Variants in SYNE1 observed in about 807,000 individuals in gnomAD.
The protein encoded by SYNE1 is spectrin repeat containing nuclear envelope protein 1.
A neutral mutation model predicts 1,111.0 loss-of-function variants in SYNE1; 616 were observed. The ratio of observed to expected loss-of-function variants is 0.55; its 90% CI spans 0.52 to 0.59. The LOEUF is 0.59. SYNE1 is among the 20% of genes least tolerant of loss of function. The probability of loss-of-function intolerance (pLI) is 0.00; values close to 1 mark genes in which losing one functional copy is unlikely to be tolerated. For synonymous variants in SYNE1, 3,855 were observed against 3,825.8 expected, an observed-to-expected ratio of 1.01 and a Z score of -0.28; for missense variants, 10,006 against 10,417.0, an observed-to-expected ratio of 0.96 and a Z score of 1.72.
chr6:152,510,014 T>G (rs2099076957), intron 8 of SYNE1, among the ~76,000 whole-genome samples, 179 bp downstream of exon 8: 1 of 152,232 alleles, frequency 6.6e-6, no homozygotes, highest in Admixed American at 6.5e-5. Context: ...AGCATTTTCC[T>G]AGAGTATTAG....
intron 3 of SYNE1, among the ~76,000 whole-genome samples, chr6:152,575,038 C>A (rs2099490836): frequency 6.6e-6 from 1 of 152,100 alleles, no homozygotes. Flanking sequence ...ATGAATGTAC[C>A]AAACATGAAA....
intron 14 of SYNE1, among the ~76,000 whole-genome samples, chr6:152,480,171 A>G (rs973931846): frequency 4.6e-5 from 7 of 152,216 alleles, no homozygotes; most frequent in East Asian, 1.9e-4. Flanking sequence ...TGTTACATCA[A>G]ATCGAGAGAC....
chr6:152,291,046 A>G (rs937402614), intron 95 of SYNE1, among the ~76,000 whole-genome samples: 17 of 148,604 alleles, frequency 1.1e-4, no homozygotes, highest in Middle Eastern at 3.6e-3. Context: ...TAGAACATTA[A>G]TATGTTCTAA....
chr6:152,497,172 C>T (rs771054080), intron 11 of SYNE1, among the ~76,000 whole-genome samples: 31 of 152,102 alleles, frequency 2.0e-4, no homozygotes, highest in Non-Finnish European at 4.0e-4. Context: ...GTTTGACACT[C>T]CTTATGTATC....
chr6:152,607,516 C>T (rs777219720), intron 3 of SYNE1, among the ~76,000 whole-genome samples: 44 of 151,942 alleles, frequency 2.9e-4, no homozygotes, highest in Admixed American at 2.5e-3. Flanking sequence ...AGTCAGAATG[C>T]TGATTGTTAA....
chr6:152,593,365 A>C (rs1052157693), intron 3 of SYNE1, among the ~76,000 whole-genome samples: 3 of 152,174 alleles, frequency 2.0e-5, no homozygotes, highest in African/African-American at 7.2e-5. Flanking sequence ...TGGGCGGATC[A>C]CGAGGTCAGT....
Position 152,323,736 on chromosome 6 carries a change from A to G in SYNE1, c.15659T>C (p.Val5220Ala). The change falls in exon 82 of 146, where the codon GTT (valine) becomes GCT (alanine). Residue 5220 changes from valine (V) to alanine (A), a missense_variant and splice_region_variant. Val to Ala is a moderately conservative substitution (Grantham distance 64). Transcript: ENST00000367255. ...ATCAATCATTTCAGTGGCCTTTTTA[A>G]CCTGATGACAAATGTACATACTATG... is the stretch of plus-strand genomic sequence containing the variant. ...VDEWTGFNNK[V>A]KKATEMIDQL... The G allele has an allele frequency of 6.2e-7, 1 of 1,614,140 alleles. No homozygotes were observed.
chr6:152,433,881 A>G lies in SYNE1; in HGVS notation c.4375T>C (p.Ser1459Pro). 1 of 1,613,812 alleles carries G rather than the reference A, an allele frequency of 6.2e-7. No individual in the cohort carries two copies. The highest frequency in any genetic ancestry group is 8.5e-7 in the Non-Finnish European group (1 of 1,179,800). ...TTTTCTTTCTCAGTTATCCAGACGG[A>G]CAGAGTCTCAAAATTACTGCCAAAA... ...DHFGSNFETLSVWITEKEKEL... is the reference protein window; with the variant it reads ...DHFGSNFETLPVWITEKEKEL... The change falls in exon 34 of 146, where the codon TCC becomes CCC. Residue 1459 changes from serine to proline, a missense_variant. Ser to Pro is a moderately conservative substitution (Grantham distance 74). Transcript: ENST00000367255.
chr6:152,505,391 A>G lies in SYNE1; in HGVS notation c.588T>C (p.Thr196=), dbSNP rs1185675637. The G allele has an allele frequency of 6.2e-7, 1 of 1,613,778 alleles. No individual in the cohort carries two copies. Among genetic ancestry groups the G allele is most frequent in the African/African-American group, 1.3e-5 (1 of 74,928 alleles). Reference sequence around the variant, plus strand: ...TCCCAAAATCTTTTACTTCTATTCCAGTCTGCCTTTGTGTTATAAAAACAT... The same window carrying G: ...TCCCAAAATCTTTTACTTCTATTCCGGTCTGCCTTTGTGTTATAAAAACAT... ...KWVQYTAGKQ[T]GIEVKDFGKS... is the part of the protein sequence containing the mutation. Residue 196 remains threonine, a synonymous_variant, in exon 9 of 146, where the codon ACT becomes ACC. Transcript: ENST00000367255.
At chr6:152,328,808 G>T (rs2096163051) in intron 78 of SYNE1, among the ~76,000 whole-genome samples, 1 of 152,092 alleles carries the variant, frequency 6.6e-6, no homozygotes, top group Non-Finnish European at 1.5e-5. Flanking sequence ...ATTTCTTTTT[G>T]TTATCCCCAA....
intron 119 of SYNE1, among the ~76,000 whole-genome samples, chr6:152,219,493 G>GAAAAAA (rs34187904): frequency 1.5e-5 from 2 of 132,994 alleles, no homozygotes; most frequent in East Asian, 2.1e-4. Flanking sequence ...ACATAAACAA[G>GAAAAAA]AAAAAAAAAA....
intron 6 of SYNE1, 129 bp from the exon 7 acceptor site, chr6:152,511,232 AAGT>A: frequency 1.2e-6 from 1 of 812,316 alleles, no homozygotes; most frequent in Non-Finnish European, 2.0e-6. Flanking sequence ...ACATGGGAGT[AAGT>A]AGAGTGAGGC....
chr6:152,599,481 G>C (rs1004364473), intron 3 of SYNE1, among the ~76,000 whole-genome samples: 5 of 152,150 alleles, frequency 3.3e-5, no homozygotes, highest in Non-Finnish European at 5.9e-5. Context: ...AACGACAAAA[G>C]AACAATAAAT....
intron 55 of SYNE1, among the ~76,000 whole-genome samples, chr6:152,384,912 G>T (rs2097500759): frequency 1.3e-5 from 2 of 151,780 alleles, no homozygotes; most frequent in Admixed American, 1.3e-4. Context: ...GCAAAATGTG[G>T]TTACAATTGT....
intron 11 of SYNE1, among the ~76,000 whole-genome samples, chr6:152,488,837 T>C (rs2098955332): frequency 6.6e-6 from 1 of 152,090 alleles, no homozygotes; most frequent in Non-Finnish European, 1.5e-5. Flanking sequence ...CACAGTCCTG[T>C]GGGTTGCTTC....
intron 3 of SYNE1, among the ~76,000 whole-genome samples, chr6:152,565,297 G>A (rs944110449): frequency 2.0e-5 from 3 of 152,102 alleles, no homozygotes; most frequent in African/African-American, 7.2e-5. Flanking sequence ...GACATGTTCA[G>A]GCCAATTAAG....
Position 152,471,566 on chromosome 6 carries a change from G to C in SYNE1, c.1632+31C>G, listed in dbSNP as rs761679353. On this transcript the variant is annotated intron_variant, in intron 16 of 145. Transcript: ENST00000367255. ...TGTGTTGCTAAATCCATGGCTCATA[G>C]GAATTCTCTGTCAAAGCACGGGGGA... 22 of 1,608,764 alleles carry C rather than the reference G, an allele frequency of 1.4e-5. 1 individual carries two copies. The South Asian group carries it at 2.3e-4, about 17-fold the overall frequency.
chr6:152,590,099 AATT>A (rs747538908), intron 3 of SYNE1, among the ~76,000 whole-genome samples: 39 of 149,442 alleles, frequency 2.6e-4, no homozygotes, highest in Non-Finnish European at 2.7e-4. Flanking sequence ...ACACCTGACT[AATT>A]ATTATTATTA....
chr6:152,545,724 G>A (rs1333209876), intron 3 of SYNE1, among the ~76,000 whole-genome samples: 1 of 152,054 alleles, frequency 6.6e-6, no homozygotes, highest in Admixed American at 6.6e-5. Flanking sequence ...CTTGCAATAG[G>A]TTATGATAAA....
Sources: gnomAD v4.1 joint callset for allele counts (sites outside exome capture counted in the v4.1 genomes callset) on GRCh38, gnomAD v4.1.1 for gene constraint, MANE v1.5 for transcripts, NCBI Gene and HGNC (gene_info 2026-07-23, HGNC 2026-07-21) for gene names.